Variants in BANK1 observed in about 807,000 individuals in gnomAD.
BANK1 encodes B-cell scaffold protein with ankyrin repeats.
BANK1 carries 95 observed loss-of-function variants against 94.5 expected under a neutral mutation model. The ratio of observed to expected loss-of-function variants is 1.00; its 90% confidence interval spans 0.85 to 1.19. The LOEUF (loss-of-function observed/expected upper bound fraction) is 1.19. Ranked by LOEUF, BANK1 falls within the 50% of genes most tolerant of loss-of-function variation. The probability of loss-of-function intolerance (pLI) is 0.00; values close to 1 mark genes in which losing one functional copy is unlikely to be tolerated. For missense variants in BANK1, 987 were observed against 932.2 expected (o/e 1.06, Z -0.77); for synonymous variants, 334 against 308.4 (o/e 1.08, Z -0.87).
At chr4:101,941,856 A>G (rs1723755388) in intron 7 of BANK1, among the ~76,000 whole-genome samples, 1 of 151,660 alleles carries the variant, frequency 6.6e-6, no homozygotes, top group South Asian at 2.1e-4. Flanking sequence ...GGGTTTCTTC[A>G]CCATTGACTT....
chr4:101,952,561 C>T (rs1352679039), intron 7 of BANK1, among the ~76,000 whole-genome samples: 1 of 152,070 alleles, frequency 6.6e-6, no homozygotes, highest in African/African-American at 2.4e-5. Flanking sequence ...TTATTGAGTG[C>T]TTGGCATATG....
intron 11 of BANK1, among the ~76,000 whole-genome samples, chr4:102,047,617 G>C (rs916174944): frequency 2.0e-5 from 3 of 152,252 alleles, no homozygotes; most frequent in Admixed American, 2.0e-4. Flanking sequence ...AAAGAATGAA[G>C]AGAGGAGATT....
chr4:101,906,849 G>A (rs763035778), intron 6 of BANK1, among the ~76,000 whole-genome samples: 7 of 152,214 alleles, frequency 4.6e-5, no homozygotes, highest in South Asian at 2.1e-4. Flanking sequence ...CACAATGGAC[G>A]CCACTTGCCA....
At chr4:101,925,012 G>T (rs1440226046) in intron 7 of BANK1, among the ~76,000 whole-genome samples, 2 of 151,436 alleles carry the variant, frequency 1.3e-5, no homozygotes, top group Non-Finnish European at 3.0e-5. Context: ...TGAGAATAAT[G>T]ACCCTTTTGA....
At chr4:101,896,061 GTC>G (rs541891160) in intron 6 of BANK1, among the ~76,000 whole-genome samples, 32 of 151,990 alleles carry the variant, frequency 2.1e-4, no homozygotes, top group African/African-American at 7.5e-4. Context: ...ACCTTATTGA[GTC>G]TGTATTTTCT....
intron 6 of BANK1, among the ~76,000 whole-genome samples, chr4:101,907,826 T>A (rs938160861): frequency 1.3e-5 from 2 of 152,000 alleles, no homozygotes; most frequent in African/African-American, 4.8e-5. Flanking sequence ...GAGAATAAAA[T>A]ACCTAGGAAT....
At chr4:102,031,198 G>A (rs1727294179) in intron 10 of BANK1, among the ~76,000 whole-genome samples, 1 of 152,190 alleles carries the variant, frequency 6.6e-6, no homozygotes, top group South Asian at 2.1e-4. Context: ...CAGTGATGAT[G>A]AGCATTTTTT....
chr4:102,003,698 C>T (rs973432179), intron 7 of BANK1, among the ~76,000 whole-genome samples: 2 of 151,868 alleles, frequency 1.3e-5, no homozygotes, highest in African/African-American at 4.8e-5. Flanking sequence ...TAAATATTTG[C>T]TATTGGTGGG....
chr4:102,060,117 A>C, intron 11 of BANK1, 94 bp from the exon 12 acceptor site: 2 of 1,141,628 alleles, frequency 1.8e-6, no homozygotes, highest in Admixed American at 5.7e-5. Context: ...AGAGTTAAGA[A>C]GAAGCTACTC....
chr4:101,809,042 G>A (rs1413270822), intron 1 of BANK1, among the ~76,000 whole-genome samples: 1 of 152,090 alleles, frequency 6.6e-6, no homozygotes, highest in African/African-American at 2.4e-5. Context: ...AAAGACACAT[G>A]GACACATCTG....
At chr4:101,939,988 C>T (rs1440261090) in intron 7 of BANK1, among the ~76,000 whole-genome samples, 1 of 151,674 alleles carries the variant, frequency 6.6e-6, no homozygotes, top group Non-Finnish European at 1.5e-5. Context: ...AGAGCAAATT[C>T]ATCTCCTAGC....
At chr4:101,936,504 GATGTATAC>G (rs1294020488) in intron 7 of BANK1, among the ~76,000 whole-genome samples, 2 of 149,854 alleles carry the variant, frequency 1.3e-5, no homozygotes, top group Non-Finnish European at 3.0e-5. Flanking sequence ...ATATGTATAA[GATGTATAC>G]ATGTATACTA....
At chr4:101,938,120 G>A (rs746325662) in intron 7 of BANK1, among the ~76,000 whole-genome samples, 61 of 151,870 alleles carry the variant, frequency 4.0e-4, no homozygotes, top group Middle Eastern at 3.4e-3. Flanking sequence ...GTTAGCATTA[G>A]GAGGAATACC....
intron 7 of BANK1, among the ~76,000 whole-genome samples, chr4:101,958,785 C>A (rs1055367876): frequency 1.3e-5 from 2 of 152,164 alleles, no homozygotes; most frequent in African/African-American, 4.8e-5. Context: ...GTTCTTGATG[C>A]AGCAAGTGCT....
intron 10 of BANK1, among the ~76,000 whole-genome samples, chr4:102,037,329 G>C (rs1039042228): frequency 6.6e-6 from 1 of 152,182 alleles, no homozygotes; most frequent in Non-Finnish European, 1.5e-5. Context: ...CTCTTACTTG[G>C]ATTATTTCCA....
rs1259356176 is a variant in BANK1 at position 101,830,121 on chromosome 4, A to G, written c.384A>G (p.Leu128=). The change falls in exon 2 of 17, where the codon CTA becomes CTG. Residue 128 remains leucine (L), a synonymous_variant. Transcript: ENST00000322953. ...GTTCAGATCAGCTCTATGAATTACT[A>G]AATATCTCTCAAAGCAGATGGGAGA... ...VKSSDQLYEL[L]NISQSRWEIS... is the part of the protein sequence containing the mutation. 1 of 1,612,208 alleles carries G rather than the reference A, an allele frequency of 6.2e-7. No homozygotes were observed. The highest frequency in any genetic ancestry group is 1.7e-5 in the Admixed American group (1 of 59,780).
At position 101,880,040 on chromosome 4, in the gene BANK1, T is replaced by C. The variant is rs1728620057; in HGVS notation, c.903+9396T>C. ...TCTAAGATCTGGAAGATGACAAAGATGCCCACTTTCACCATTGTTATTCAA... is the reference window on the plus strand; with the variant it reads ...TCTAAGATCTGGAAGATGACAAAGACGCCCACTTTCACCATTGTTATTCAA... On this transcript the variant is annotated intron_variant, in intron 5 of 16. Transcript: ENST00000322953. 2.0e-5 allele frequency among the ~76,000 whole-genome samples: 3 copies of C among 152,068 alleles called. No homozygotes were observed. In the South Asian group the frequency reaches 6.2e-4, roughly 32 times the overall value.
intron 1 of BANK1, among the ~76,000 whole-genome samples, chr4:101,819,242 T>C (rs1347945966): frequency 6.6e-6 from 1 of 152,142 alleles, no homozygotes; most frequent in Non-Finnish European, 1.5e-5. Flanking sequence ...CTGAGTATTA[T>C]TTTTTCCCTA....
At chr4:101,897,211 G>C (rs1722114104) in intron 6 of BANK1, among the ~76,000 whole-genome samples, 1 of 151,892 alleles carries the variant, frequency 6.6e-6, no homozygotes, top group African/African-American at 2.4e-5. Context: ...AAAGGAAAAA[G>C]GAATTCTAGG....
Sources: gnomAD v4.1 joint callset for allele counts (sites outside exome capture counted in the v4.1 genomes callset) on GRCh38, gnomAD v4.1.1 for gene constraint, MANE v1.5 for transcripts, NCBI Gene and HGNC (gene_info 2026-07-23, HGNC 2026-07-21) for gene names.